Variants in ESRRG observed in about 807,000 individuals in gnomAD.
ESRRG encodes the protein estrogen related receptor gamma.
In ESRRG, 13 loss-of-function variants were observed where a neutral mutation model predicts 44.0. The observed-to-expected ratio is 0.30, with a 90% CI of 0.19 to 0.47. The LOEUF (loss-of-function observed/expected upper bound fraction) is 0.47. ESRRG is among the 20% of genes least tolerant of loss of function. The pLI is 1.00. For synonymous variants in ESRRG, 215 were observed against 214.6 expected, an observed-to-expected ratio of 1.00 and a Z score of -0.02; for missense variants, 395 against 580.6, an observed-to-expected ratio of 0.68 and a Z score of 3.29.
chr1:217,134,248 A>C (rs2093015501), intron 1 of ESRRG, among the ~76,000 whole-genome samples: 1 of 152,070 alleles, frequency 6.6e-6, no homozygotes. Context: ...TCTCCTCCAA[A>C]TGGCACCGAC....
rs182477304 is a variant in ESRRG, at chr1:216,905,214, C to T, written c.-14+34368G>A. On this transcript the variant is annotated intron_variant, in intron 2 of 7. Coordinates refer to the ESRRG transcript ENST00000359162. The stretch of plus-strand genomic sequence containing the variant: ...TGCATTGCACACGCCTTACTGGGGG[C>T]GACAAGGCTGAATGCAATCGGGTCT... 3.3e-4 allele frequency among the ~76,000 whole-genome samples: 50 copies of T among 152,232 alleles called. No homozygotes were observed. The East Asian group carries it at 8.9e-3, about 27-fold the overall frequency.
At chr1:216,686,848 AC>A (rs1257120746) in intron 1 of ESRRG, among the ~76,000 whole-genome samples, 1 of 152,154 alleles carries the variant, frequency 6.6e-6, no homozygotes, top group African/African-American at 2.4e-5. Flanking sequence ...TTCGTAAACA[AC>A]TTCAGCCCTG....
chr1:217,104,211 CT>C (rs112289131), intron 1 of ESRRG, among the ~76,000 whole-genome samples: 6 of 152,316 alleles, frequency 3.9e-5, no homozygotes, highest in African/African-American at 1.4e-4. Context: ...CTTTGTGTCT[CT>C]TGTAGCCCCT....
At position 216,976,286 on chromosome 1, in the gene ESRRG, A is replaced by ATGTGTGTGTG. The variant is rs61142800; in HGVS notation, c.-105-36623_-105-36614dup. Among the ~76,000 whole-genome samples, 386 of 146,972 alleles carry ATGTGTGTGTG rather than the reference A, an allele frequency of 2.6e-3. 1 individual carries two copies. Among genetic ancestry groups the ATGTGTGTGTG allele is most frequent in the Admixed American group, 4.7e-3 (69 of 14,714 alleles). On this transcript the variant is annotated intron_variant, in intron 1 of 7. Coordinates refer to the ESRRG transcript ENST00000359162. ...ACTTCAAAGTAGAAAATGCTCCTAAATGTGTGTGTGTGTGTGTGTGTGTGT... is the reference window on the plus strand; with the variant it reads ...ACTTCAAAGTAGAAAATGCTCCTAAATGTGTGTGTGTGTGTGTGTGTGTGTGTGTGTGTGT...
At chr1:216,785,308 G>A (rs913911897) in intron 2 of ESRRG, among the ~76,000 whole-genome samples, 1 of 151,932 alleles carries the variant, frequency 6.6e-6, no homozygotes. Context: ...GTTACTATTG[G>A]GCAATGTCAA....
intron 2 of ESRRG, among the ~76,000 whole-genome samples, chr1:216,843,199 A>G (rs2095681493): frequency 6.6e-6 from 1 of 151,492 alleles, no homozygotes; most frequent in Admixed American, 6.6e-5. Flanking sequence ...AAAGGGGGCT[A>G]AGAATCAAAT....
intron 2 of ESRRG, among the ~76,000 whole-genome samples, chr1:216,844,820 CCA>C (rs140528031): frequency 2.0e-5 from 3 of 151,648 alleles, no homozygotes; most frequent in Admixed American, 6.6e-5. Context: ...AATATATGCA[CCA>C]CACACACACA....
At chr1:217,105,426 G>A (rs754552780) in intron 1 of ESRRG, among the ~76,000 whole-genome samples, 1 of 152,132 alleles carries the variant, frequency 6.6e-6, no homozygotes, top group Non-Finnish European at 1.5e-5. Context: ...ACTTGCTCAG[G>A]GGCATGTGTT....
chr1:216,640,769 T>C (rs969495995), intron 3 of ESRRG, among the ~76,000 whole-genome samples: 1 of 152,176 alleles, frequency 6.6e-6, no homozygotes, highest in African/African-American at 2.4e-5. Context: ...TTTAGTTACA[T>C]TCAGGCACAA....
upstream of ESRRG, among the ~76,000 whole-genome samples, chr1:217,092,879 G>T (rs564984179): frequency 6.6e-6 from 1 of 152,162 alleles, no homozygotes; most frequent in Non-Finnish European, 1.5e-5. Flanking sequence ...TAGCAAAAGT[G>T]TTATCCTTTC....
chr1:216,569,588 G>C (rs1321769484), intron 3 of ESRRG, among the ~76,000 whole-genome samples: 1 of 152,168 alleles, frequency 6.6e-6, no homozygotes, highest in Non-Finnish European at 1.5e-5. Context: ...GACTATAATT[G>C]TAAAGTTTAG....
chr1:216,919,574 T>G (rs994455487), intron 2 of ESRRG, among the ~76,000 whole-genome samples: 8 of 152,164 alleles, frequency 5.3e-5, no homozygotes, highest in African/African-American at 1.7e-4. Context: ...AAACAGAATA[T>G]TTTCTATTTA....
chr1:216,881,699 C>G (rs949234840), intron 2 of ESRRG, among the ~76,000 whole-genome samples: 2 of 152,062 alleles, frequency 1.3e-5, no homozygotes, highest in Non-Finnish European at 2.9e-5. Flanking sequence ...GAATACCTGA[C>G]CCTAATGATA....
intron 3 of ESRRG, among the ~76,000 whole-genome samples, chr1:216,581,679 G>C (rs11572752): frequency 6.6e-6 from 1 of 152,044 alleles, no homozygotes; most frequent in Non-Finnish European, 1.5e-5. Flanking sequence ...GGCATGAACT[G>C]TGGTGAACCC....
chr1:217,044,023 GA>G (rs372572138), intron 1 of ESRRG, among the ~76,000 whole-genome samples: 68 of 150,988 alleles, frequency 4.5e-4, no homozygotes, highest in East Asian at 2.5e-3. Context: ...AATAAAAATA[GA>G]AAAAAAAAGT....
At chr1:216,728,109 T>C (rs943972194), upstream of ESRRG, among the ~76,000 whole-genome samples, 5 of 152,218 alleles carry the variant, frequency 3.3e-5, no homozygotes, top group Non-Finnish European at 7.3e-5. Context: ...CCTGGTAAGA[T>C]ACCAAATGCA....
intron 1 of ESRRG, among the ~76,000 whole-genome samples, chr1:216,982,501 ACACTGTACT>A (rs1308932549): frequency 1.3e-5 from 2 of 152,044 alleles, no homozygotes; most frequent in Non-Finnish European, 2.9e-5. Context: ...TGCCCAACCA[ACACTGTACT>A]CATGGATAGA....
intron 1 of ESRRG, among the ~76,000 whole-genome samples, chr1:217,116,838 G>T (rs529657705): frequency 6.6e-6 from 1 of 152,120 alleles, no homozygotes; most frequent in Non-Finnish European, 1.5e-5. Context: ...CATGGAGTTG[G>T]CAAGAATCTC....
intron 1 of ESRRG, among the ~76,000 whole-genome samples, chr1:217,006,483 C>T (rs1210984313): frequency 2.0e-5 from 3 of 152,006 alleles, no homozygotes; most frequent in Admixed American, 1.3e-4. Context: ...ACTACAGTTA[C>T]GTTGGAACTG....
Sources: allele counts gnomAD v4.1 joint callset (sites outside exome capture counted in the v4.1 genomes callset), GRCh38; gene constraint gnomAD v4.1.1; transcripts MANE v1.5; gene names NCBI Gene and HGNC (gene_info 2026-07-23, HGNC 2026-07-21).